Variants in OR6N1 observed in about 807,000 individuals in gnomAD.
The protein encoded by OR6N1 is olfactory receptor family 6 subfamily N member 1, also known as olfactory receptor 6N1.
For synonymous variants in OR6N1, 170 were observed against 150.7 expected, an observed-to-expected ratio of 1.13 and a Z score of -0.94; for missense variants, 394 against 371.7, an observed-to-expected ratio of 1.06 and a Z score of -0.49.
At chr1:158,803,246 G>A in the OR6N1 span, among the ~76,000 whole-genome samples, 1 of 152,196 alleles carries the variant, frequency 6.6e-6, no homozygotes, top group Admixed American at 6.5e-5. Flanking sequence ...GTTTCTGAGA[G>A]TACTAATGTG....
In OR6N1 at chr1:158,765,996, G is replaced by T. The variant is rs1657247373; in HGVS notation, c.687C>A (p.Pro229=). ...VQIICTVLRI[P]SAAGKRKAIS... The stretch of plus-strand genomic sequence containing the variant: ...TGGCCTTCCTCTTGCCGGCAGCTGA[G>T]GGAATTCTGAGCACTGTGCAGATGA... The change falls in exon 2 of 2, where the codon CCC becomes CCA. Residue 229 remains proline (P), a synonymous_variant. Coordinates refer to ENST00000641846, the MANE Select transcript of OR6N1 (RefSeq NM_001005185.2). 6.2e-7 allele frequency: 1 copy of T among 1,614,212 alleles called. No individual in the cohort carries two copies. Among genetic ancestry groups the T allele is most frequent in the Non-Finnish European group, 8.5e-7 (1 of 1,180,026 alleles).
the OR6N1 span, among the ~76,000 whole-genome samples, chr1:158,792,040 G>A: frequency 6.6e-6 from 1 of 152,078 alleles, no homozygotes; most frequent in Non-Finnish European, 1.5e-5. Context: ...TGTTTTCTTA[G>A]GTCTAGTAGT....
chr1:158,789,556 T>C, the OR6N1 span, among the ~76,000 whole-genome samples: 1 of 152,224 alleles, frequency 6.6e-6, no homozygotes, highest in African/African-American at 2.4e-5. Flanking sequence ...TATTTCATTG[T>C]GGTTTTGGTT....
intron 1 of OR6N1, among the ~76,000 whole-genome samples, chr1:158,768,910 A>G (rs1163833991): frequency 6.6e-6 from 1 of 151,686 alleles, no homozygotes; most frequent in Non-Finnish European, 1.5e-5. Flanking sequence ...TCTTATTCCT[A>G]TTGTTTATTG....
chr1:158,822,877 T>A, the OR6N1 span, among the ~76,000 whole-genome samples: 1 of 152,210 alleles, frequency 6.6e-6, no homozygotes, highest in Non-Finnish European at 1.5e-5. Flanking sequence ...TGTTGAGGTA[T>A]GTTCCTTCAA....
At chr1:158,812,616 T>C in the OR6N1 span, among the ~76,000 whole-genome samples, 1 of 152,338 alleles carries the variant, frequency 6.6e-6, no homozygotes, top group South Asian at 2.1e-4. Flanking sequence ...ATATGATTGC[T>C]AATATTTGAA....
chr1:158,777,534 T>C, the OR6N1 span: 1 of 1,613,964 alleles, frequency 6.2e-7, no homozygotes, highest in Non-Finnish European at 8.5e-7. Context: ...TGAACAGGTA[T>C]GCCAATAGCA....
chr1:158,777,214 C>A, the OR6N1 span: 12 of 1,614,034 alleles, frequency 7.4e-6, no homozygotes, highest in Non-Finnish European at 1.0e-5. Flanking sequence ...CATCTTGGCA[C>A]AGAGTGTGGT....
At chr1:158,809,984 G>A in the OR6N1 span, among the ~76,000 whole-genome samples, 11 of 152,142 alleles carry the variant, frequency 7.2e-5, no homozygotes. Flanking sequence ...AGAAGCCAGA[G>A]GTCCTATGGT....
the OR6N1 span, among the ~76,000 whole-genome samples, chr1:158,802,621 C>T: frequency 1.3e-5 from 2 of 152,156 alleles, no homozygotes; most frequent in Non-Finnish European, 2.9e-5. Flanking sequence ...CATATTATCA[C>T]AGCACAGGCA....
At chr1:158,768,366 C>G (rs1657330290) in intron 1 of OR6N1, among the ~76,000 whole-genome samples, 1 of 152,178 alleles carries the variant, frequency 6.6e-6, no homozygotes, top group African/African-American at 2.4e-5. Flanking sequence ...GTCTCTACCC[C>G]TAGTCTTCCC....
At chr1:158,806,176 G>A in the OR6N1 span, among the ~76,000 whole-genome samples, 1 of 152,046 alleles carries the variant, frequency 6.6e-6, no homozygotes, top group Non-Finnish European at 1.5e-5. Context: ...AAGAAAAGGA[G>A]CCCAAAAGCA....
upstream of OR6N1, chr1:158,776,767 T>C (rs771646181): frequency 2.5e-6 from 4 of 1,613,974 alleles, no homozygotes; most frequent in Admixed American, 6.7e-5. Context: ...ACGAAGACTG[T>C]AGATAATTGG....
At chr1:158,812,908 T>C in the OR6N1 span, among the ~76,000 whole-genome samples, 3 of 152,186 alleles carry the variant, frequency 2.0e-5, no homozygotes, top group Non-Finnish European at 2.9e-5. Flanking sequence ...AGGGAAAATA[T>C]GAGATGTCTA....
At chr1:158,838,446 T>G in the OR6N1 span, among the ~76,000 whole-genome samples, 1 of 152,112 alleles carries the variant, frequency 6.6e-6, no homozygotes, top group African/African-American at 2.4e-5. Flanking sequence ...AAAAATGTGC[T>G]CATAATCCTA....
chr1:158,799,198 AC>A, the OR6N1 span, among the ~76,000 whole-genome samples: 3 of 152,308 alleles, frequency 2.0e-5, no homozygotes, highest in East Asian at 5.8e-4. Flanking sequence ...TTTATCTCAC[AC>A]CTAGTCAATG....
chr1:158,798,962 A>G, the OR6N1 span, among the ~76,000 whole-genome samples: 2 of 152,180 alleles, frequency 1.3e-5, no homozygotes, highest in Non-Finnish European at 2.9e-5. Flanking sequence ...ACTGTGCTAC[A>G]TATGCCCAGT....
At chr1:158,770,697 T>A (rs145954870) in intron 1 of OR6N1, among the ~76,000 whole-genome samples, 202 of 152,314 alleles carry the variant, frequency 1.3e-3, no homozygotes, top group African/African-American at 4.5e-3. Flanking sequence ...AATAGAAGGA[T>A]AAATCATGTG....
At chr1:158,828,040 A>G in the OR6N1 span, among the ~76,000 whole-genome samples, 1 of 152,284 alleles carries the variant, frequency 6.6e-6, no homozygotes, top group African/African-American at 2.4e-5. Context: ...TCTATTTACT[A>G]TTATGAGAAC....
Sources: gnomAD v4.1 joint callset for allele counts (sites outside exome capture counted in the v4.1 genomes callset) on GRCh38, gnomAD v4.1.1 for gene constraint, MANE v1.5 for transcripts, NCBI Gene and HGNC (gene_info 2026-07-23, HGNC 2026-07-21) for gene names.